Variants in FAM178B observed in about 807,000 individuals in gnomAD.
FAM178B encodes the protein protein FAM178B.
A neutral mutation model predicts 91.7 loss-of-function variants in FAM178B; 82 were observed. The observed-to-expected ratio is 0.89, with a 90% CI of 0.75 to 1.07. FAM178B has a LOEUF of 1.07. FAM178B is among the 50% of genes least tolerant of loss of function. The pLI is 0.00. For synonymous variants in FAM178B, 368 were observed against 359.4 expected (o/e 1.02, Z -0.27); for missense variants, 769 against 846.7 (o/e 0.91, Z 1.14).
At chr2:96,961,801 G>A (rs918940091) in intron 5 of FAM178B, among the ~76,000 whole-genome samples, 4 of 152,064 alleles carry the variant, frequency 2.6e-5, no homozygotes, top group East Asian at 1.9e-4. Context: ...CCCAAGGTAC[G>A]GCCCTGACCC....
At chr2:96,926,251 G>C (rs569161076) in intron 9 of FAM178B, among the ~76,000 whole-genome samples, 1 of 152,140 alleles carries the variant, frequency 6.6e-6, no homozygotes, top group South Asian at 2.1e-4. Context: ...GCAGTGAGCC[G>C]AGATGGCATC....
At chr2:96,942,984 T>C (rs913528937) in intron 8 of FAM178B, among the ~76,000 whole-genome samples, 1 of 152,074 alleles carries the variant, frequency 6.6e-6, no homozygotes, top group East Asian at 1.9e-4. Flanking sequence ...TCAAACCACA[T>C]ACAAAAATGA....
chr2:96,921,495 G>C lies in FAM178B; in HGVS notation c.1447C>G (p.Arg483Gly). 1 of 1,551,654 alleles carries C rather than the reference G, an allele frequency of 6.4e-7. No individual in the cohort carries two copies. The change falls in exon 11 of 17, where the codon CGG (arginine) becomes GGG (glycine). Residue 483 changes from arginine to glycine, a missense_variant. Arg to Gly is a moderately radical substitution (Grantham distance 125). Coordinates refer to ENST00000490605, the MANE Select transcript of FAM178B (RefSeq NM_001122646.3). ...TCTAGTACCTTCCCTGGCCACTCCC[G>C]GATGTTCTCCAGGAGCAAGAGGAGA... The part of the protein sequence containing the change: ...QLLLLLLENI[R>G]EWPGKLQELC...
At position 96,984,142 on chromosome 2, in the gene FAM178B, A is replaced by G. The variant is rs533700996; in HGVS notation, c.73+2099T>C. Among the ~76,000 whole-genome samples the G allele has an allele frequency of 3.3e-5, 5 of 151,866 alleles. No homozygotes were observed. In the East Asian group the frequency reaches 9.8e-4, roughly 30 times the overall value. ...GTGCCACCACACCCAGCTAATTTTT[A>G]GTAGTGATGGGGTTTCACCATGTTG... is the stretch of plus-strand genomic sequence containing the variant. On this transcript the variant is annotated intron_variant, in intron 1 of 16. Coordinates refer to ENST00000490605, the MANE Select transcript of FAM178B (RefSeq NM_001122646.3).
intron 4 of FAM178B, 61 bp downstream of exon 4, chr2:96,970,655 C>A: frequency 7.5e-7 from 1 of 1,328,052 alleles, no homozygotes; most frequent in Admixed American, 2.0e-5. Context: ...CAGTGAGTCC[C>A]GGGACTGCTG....
chr2:96,947,961 C>T, intron 7 of FAM178B, 59 bp from the exon 8 acceptor site: 1 of 844,672 alleles, frequency 1.2e-6, no homozygotes, highest in East Asian at 2.6e-5. Flanking sequence ...TCCTAAGAAG[C>T]AATAGTAGCA....
intron 5 of FAM178B, among the ~76,000 whole-genome samples, chr2:96,963,081 T>C (rs1486015594): frequency 1.2e-4 from 19 of 152,132 alleles, no homozygotes; most frequent in Admixed American, 1.2e-3. Flanking sequence ...GCCCAGCAAA[T>C]TACCAGTGTT....
intron 12 of FAM178B, among the ~76,000 whole-genome samples, chr2:96,908,645 G>A (rs929531350): frequency 1.4e-4 from 22 of 152,338 alleles, no homozygotes; most frequent in Non-Finnish European, 1.9e-4. Flanking sequence ...TGGGGCTTCT[G>A]GGGAGCGGCA....
intron 6 of FAM178B, among the ~76,000 whole-genome samples, chr2:96,952,841 T>G (rs990215608): frequency 1.3e-5 from 2 of 152,186 alleles, no homozygotes; most frequent in Admixed American, 6.5e-5. Context: ...TGTTCTTCTT[T>G]TTAATGGCCC....
chr2:96,928,013 A>T (rs1184789205), intron 9 of FAM178B, among the ~76,000 whole-genome samples: 1 of 152,270 alleles, frequency 6.6e-6, no homozygotes, highest in East Asian at 1.9e-4. Context: ...GGAAAGGGGC[A>T]GGAGCACGGC....
At chr2:96,955,962 G>C (rs2081994231) in intron 6 of FAM178B, among the ~76,000 whole-genome samples, 1 of 152,204 alleles carries the variant, frequency 6.6e-6, no homozygotes, top group African/African-American at 2.4e-5. Context: ...TCCCCTGCCT[G>C]CTGGATATTC....
chr2:96,958,965 C>G (rs1465932128), intron 6 of FAM178B, among the ~76,000 whole-genome samples: 1 of 151,656 alleles, frequency 6.6e-6, no homozygotes, highest in South Asian at 2.1e-4. Context: ...CTTTGGGAGG[C>G]CGAGGTGGGC....
chr2:96,948,397 C>T (rs1392561998), intron 7 of FAM178B, among the ~76,000 whole-genome samples: 1 of 152,228 alleles, frequency 6.6e-6, no homozygotes, highest in East Asian at 1.9e-4. Context: ...CCAGCTTAGA[C>T]GGTCCTTGGT....
chr2:96,936,451 TTGGCC>T (rs1285996687), intron 8 of FAM178B, among the ~76,000 whole-genome samples: 1 of 150,628 alleles, frequency 6.6e-6, no homozygotes, highest in Non-Finnish European at 1.5e-5. Context: ...TCTGCCCGCC[TTGGCC>T]TCCCAAAGTG....
At chr2:96,902,263 A>G (rs993460297) in intron 13 of FAM178B, among the ~76,000 whole-genome samples, 2 of 151,582 alleles carry the variant, frequency 1.3e-5, no homozygotes, top group Non-Finnish European at 2.9e-5. Context: ...CCGCCACCAC[A>G]CCTGGCTAAT....
At position 96,957,652 on chromosome 2, in the gene FAM178B, A is replaced by C. The variant is rs2082019224; in HGVS notation, c.887+2636T>G. Among the ~76,000 whole-genome samples, 3 of 152,126 alleles carry C rather than the reference A, an allele frequency of 2.0e-5. No individual in the cohort carries two copies. The South Asian group carries it at 6.2e-4, about 32-fold the overall frequency. On this transcript the variant is annotated intron_variant, in intron 6 of 16. Coordinates refer to ENST00000490605, the MANE Select transcript of FAM178B (RefSeq NM_001122646.3). ...AAAACCTGCTGTCGGCACAAACTCCAAGGCTGAAGCAGCCCAGGAAGACGC... is the reference window on the plus strand; with the variant it reads ...AAAACCTGCTGTCGGCACAAACTCCCAGGCTGAAGCAGCCCAGGAAGACGC...
intron 8 of FAM178B, among the ~76,000 whole-genome samples, chr2:96,933,574 C>G (rs2081577654): frequency 6.6e-6 from 1 of 152,212 alleles, no homozygotes; most frequent in Non-Finnish European, 1.5e-5. Flanking sequence ...TGGCTCCTGC[C>G]CCCCTTCTGG....
At chr2:96,910,666 C>T (rs765230996) in intron 12 of FAM178B, among the ~76,000 whole-genome samples, 15 of 152,188 alleles carry the variant, frequency 9.9e-5, no homozygotes, top group East Asian at 1.9e-4. Flanking sequence ...CCTGAGACCA[C>T]GAACAAGCTC....
intron 12 of FAM178B, among the ~76,000 whole-genome samples, chr2:96,904,220 GGACA>G (rs1345396421): frequency 2.6e-5 from 4 of 152,212 alleles, no homozygotes; most frequent in Admixed American, 1.3e-4. Flanking sequence ...ACAGCACAGT[GGACA>G]GACAGATCAG....
Sources: gnomAD v4.1 joint callset for allele counts (sites outside exome capture counted in the v4.1 genomes callset) on GRCh38, gnomAD v4.1.1 for gene constraint, MANE v1.5 for transcripts, NCBI Gene and HGNC (gene_info 2026-07-23, HGNC 2026-07-21) for gene names.